Variants in ZNF292 observed in about 807,000 individuals in gnomAD.
The protein encoded by ZNF292 is zinc finger protein 292.
In ZNF292, 26 loss-of-function variants were observed where a neutral mutation model predicts 217.9. That is an observed-to-expected ratio of 0.12 (90% CI 0.09 to 0.17). ZNF292 has a LOEUF of 0.17. ZNF292 is among the 10% of genes least tolerant of loss of function. The pLI, the probability that ZNF292 is intolerant of heterozygous loss-of-function variation, is 1.00. For missense variants in ZNF292, 2,904 were observed against 3,175.2 expected (o/e 0.91, Z 2.05); for synonymous variants, 1,257 against 1,124.1 (o/e 1.12, Z -2.37).
At chr6:87,212,079 C>G (rs1772512392) in intron 1 of ZNF292, among the ~76,000 whole-genome samples, 1 of 152,164 alleles carries the variant, frequency 6.6e-6, no homozygotes, top group Non-Finnish European at 1.5e-5. Context: ...CAACCCCCTC[C>G]TCAGGGTCAG....
At chr6:87,243,900 C>G (rs888581322) in intron 6 of ZNF292, among the ~76,000 whole-genome samples, 1 of 152,082 alleles carries the variant, frequency 6.6e-6, no homozygotes, top group Non-Finnish European at 1.5e-5. Context: ...CTAATGCCAC[C>G]ATAACATTTT....
At chr6:87,215,243 G>T (rs1287650548) in intron 1 of ZNF292, 1 of 151,826 alleles carries the variant, frequency 6.6e-6, no homozygotes, top group African/African-American at 2.4e-5. Flanking sequence ...TAATTCTGAT[G>T]AGGTAAATTT....
Position 87,261,560 on chromosome 6 carries a change from C to T in ZNF292, c.7931C>T (p.Pro2644Leu). 1 of 1,610,228 alleles carries T rather than the reference C, an allele frequency of 6.2e-7. No individual in the cohort carries two copies. The highest frequency in any genetic ancestry group is 8.5e-7 in the Non-Finnish European group (1 of 1,178,050). Residue 2644 changes from proline to leucine, a missense_variant, in exon 8 of 8, where the codon CCT (proline) becomes CTT (leucine). Pro to Leu is a moderately conservative substitution (Grantham distance 98, BLOSUM62 -3). Coordinates refer to ENST00000369577, the MANE Select transcript of ZNF292 (RefSeq NM_015021.3). ...GTGACTAGTGGAAATCATGTATGTCCTTGTAAAGAAAGCGAAACGTTTGTA... is the reference window on the plus strand; with the variant it reads ...GTGACTAGTGGAAATCATGTATGTCTTTGTAAAGAAAGCGAAACGTTTGTA... ...TAVTSGNHVC[P>L]CKESETFVQF...
Position 87,246,769 on chromosome 6 carries a change from T to C in ZNF292, c.1020+1125T>C, listed in dbSNP as rs115346224. On this transcript the variant is annotated intron_variant, in intron 7 of 7. Transcript: ENST00000369577. The stretch of plus-strand genomic sequence containing the variant: ...TGTAGTCCCTGCTGAGGTGGGAGGA[T>C]GGCTTGAACCTCAGAGGCAGCGATT... Among the ~76,000 whole-genome samples the C allele has an allele frequency of 4.4e-3, 664 of 152,234 alleles. 2 individuals carry two copies. Among genetic ancestry groups the C allele is most frequent in the African/African-American group, 0.015 (630 of 41,534 alleles).
chr6:87,169,520 GTC>G (rs1366832330), intron 1 of ZNF292, among the ~76,000 whole-genome samples: 1 of 152,126 alleles, frequency 6.6e-6, no homozygotes, highest in East Asian at 1.9e-4. Flanking sequence ...TTTAAATTAA[GTC>G]TAGCACTAAT....
intron 1 of ZNF292, among the ~76,000 whole-genome samples, chr6:87,172,136 T>C (rs900534617): frequency 6.6e-6 from 1 of 152,226 alleles, no homozygotes; most frequent in African/African-American, 2.4e-5. Flanking sequence ...TATGATACCC[T>C]ATGAGGGAAG....
intron 5 of ZNF292, among the ~76,000 whole-genome samples, chr6:87,242,079 A>G (rs1205929416): frequency 6.6e-6 from 1 of 152,246 alleles, no homozygotes; most frequent in Non-Finnish European, 1.5e-5. Context: ...TTAATAATAT[A>G]TATAAAATGT....
intron 4 of ZNF292, among the ~76,000 whole-genome samples, chr6:87,219,110 T>G (rs562030168): frequency 6.6e-6 from 1 of 152,334 alleles, no homozygotes; most frequent in African/African-American, 2.4e-5. Context: ...TAGAACTCTT[T>G]AAGTCTTTTG....
intron 4 of ZNF292, among the ~76,000 whole-genome samples, chr6:87,232,465 T>C (rs984063703): frequency 6.6e-6 from 1 of 152,146 alleles, no homozygotes; most frequent in African/African-American, 2.4e-5. Flanking sequence ...GGTTTCAGGC[T>C]AGCCATTGTC....
Position 87,204,554 on chromosome 6 carries a change from A to ATTTTTTTTTTT in ZNF292, c.169-11333_169-11323dup, listed in dbSNP as rs68087857. On this transcript the variant is annotated intron_variant, in intron 1 of 7. Transcript: ENST00000369577. Reference sequence around the variant, plus strand: ...TAGGATTTGGTTGGTAACATTTAGGATTTTTTTTTTTTTTTTTTTTTTTTT... The same window carrying ATTTTTTTTTTT: ...TAGGATTTGGTTGGTAACATTTAGGATTTTTTTTTTTTTTTTTTTTTTTTTTTTTTTTTTTT... Among the ~76,000 whole-genome samples, 123 of 63,640 alleles carry ATTTTTTTTTTT rather than the reference A, an allele frequency of 1.9e-3. 31 individuals are homozygous for ATTTTTTTTTTT. Among genetic ancestry groups the ATTTTTTTTTTT allele is most frequent in the African/African-American group, 7.6e-3 (109 of 14,380 alleles). 41.8% of individuals were successfully genotyped at this position (63,640 alleles called of 152,430 possible).
At chr6:87,212,699 A>G (rs1234632329) in intron 1 of ZNF292, among the ~76,000 whole-genome samples, 1 of 152,100 alleles carries the variant, frequency 6.6e-6, no homozygotes, top group Non-Finnish European at 1.5e-5. Flanking sequence ...TGAATTCCAA[A>G]TTTTCTTGTA....
At position 87,255,658 on chromosome 6, in the gene ZNF292, C is replaced by T; in HGVS notation, c.2029C>T (p.Pro677Ser). 1.2e-6 allele frequency: 2 copies of T among 1,613,132 alleles called. No individual in the cohort carries two copies. Among genetic ancestry groups the T allele is most frequent in the Admixed American group, 3.3e-5 (2 of 59,838 alleles). Residue 677 changes from proline (P) to serine (S), a missense_variant, in exon 8 of 8, where the codon CCT becomes TCT. By Grantham distance (74) the Pro-to-Ser change is moderately conservative. This residue lies in a region of ZNF292 where 216 missense variants were observed against 308.3 expected (regional missense o/e 0.70). Coordinates refer to ENST00000369577, the MANE Select transcript of ZNF292 (RefSeq NM_015021.3). ...PEVIPVQKPV[P>S]VNEFNCPVTF... Reference sequence around the variant, plus strand: ...AGTGATTCCAGTCCAGAAACCAGTACCTGTTAATGAATTTAATTGCCCTGT... The same window carrying T: ...AGTGATTCCAGTCCAGAAACCAGTATCTGTTAATGAATTTAATTGCCCTGT...
Position 87,255,806 on chromosome 6 carries a change from A to T in ZNF292, c.2177A>T (p.Tyr726Phe). 1 of 1,613,848 alleles carries T rather than the reference A, an allele frequency of 6.2e-7. No individual in the cohort carries two copies. Among genetic ancestry groups the T allele is most frequent in the East Asian group, 2.2e-5 (1 of 44,884 alleles). The change falls in exon 8 of 8, where the codon TAC (tyrosine) becomes TTC (phenylalanine). Residue 726 changes from tyrosine to phenylalanine, a missense_variant. Physicochemically the swap from Tyr to Phe is conservative, Grantham distance 22. Coordinates refer to ENST00000369577, the MANE Select transcript of ZNF292 (RefSeq NM_015021.3). ...EMQSKKVICQ[Y>F]CRRHFVSVTH... Reference sequence around the variant, plus strand: ...CAGAGCAAAAAAGTTATTTGCCAGTACTGTAGGCGGCATTTTGTGAGTGTT... The same window carrying T: ...CAGAGCAAAAAAGTTATTTGCCAGTTCTGTAGGCGGCATTTTGTGAGTGTT...
At chr6:87,193,573 T>C (rs1771877473) in intron 1 of ZNF292, among the ~76,000 whole-genome samples, 1 of 150,568 alleles carries the variant, frequency 6.6e-6, no homozygotes. Context: ...CGCAACACAG[T>C]TTATTCAGTG....
chr6:87,172,697 G>C (rs73501658), intron 1 of ZNF292, among the ~76,000 whole-genome samples: 12,401 of 152,042 alleles, frequency 0.082, 857 homozygotes, highest in African/African-American at 0.19. Flanking sequence ...CTTGAGCCCA[G>C]GTGTTTGAGA....
At chr6:87,193,221 G>A (rs1234490927) in intron 1 of ZNF292, among the ~76,000 whole-genome samples, 1 of 152,100 alleles carries the variant, frequency 6.6e-6, no homozygotes, top group Non-Finnish European at 1.5e-5. Context: ...CCGACATTAT[G>A]CCACAAGGGG....
In ZNF292 at chr6:87,256,683, A is replaced by C; in HGVS notation, c.3054A>C (p.Pro1018=). 6.2e-7 allele frequency: 1 copy of C among 1,613,442 alleles called. No homozygotes were observed. Among genetic ancestry groups the C allele is most frequent in the East Asian group, 2.2e-5 (1 of 44,888 alleles). Residue 1018 remains proline, a synonymous_variant, in exon 8 of 8, where the codon CCA becomes CCC. Coordinates refer to ENST00000369577, the MANE Select transcript of ZNF292 (RefSeq NM_015021.3). The stretch of plus-strand genomic sequence containing the variant: ...CTCTCAAAATAGGTGACCTTACCCC[A>C]CAAAACTTAGAAAGACAAGTGAACA... ...SETLKIGDLT[P]QNLERQVNNL...
rs370977114 is a variant in ZNF292 at position 87,257,905 on chromosome 6, A to G, written c.4276A>G (p.Ile1426Val). 7 of 1,613,800 alleles carry G rather than the reference A, an allele frequency of 4.3e-6. No homozygotes were observed. Among genetic ancestry groups the G allele is most frequent in the East Asian group, 2.2e-5 (1 of 44,894 alleles). ...NGQPSLLASM[I>V]LSTNAVNLQQ... is the part of the protein sequence containing the mutation. ...ACAGCCTTCTCTTCTTGCCAGCATG[A>G]TTCTCTCCACAAATGCAGTAAATTT... The change falls in exon 8 of 8, where the codon ATT (isoleucine) becomes GTT (valine). Residue 1426 changes from isoleucine (I) to valine (V), a missense_variant. Coordinates refer to ENST00000369577, the MANE Select transcript of ZNF292 (RefSeq NM_015021.3).
intron 1 of ZNF292, among the ~76,000 whole-genome samples, chr6:87,207,566 A>G (rs1015645839): frequency 2.6e-5 from 4 of 152,242 alleles, no homozygotes; most frequent in African/African-American, 7.2e-5. Flanking sequence ...TCTTTATTTC[A>G]TGTGACTGTC....
Sources: gnomAD v4.1 joint callset for allele counts (sites outside exome capture counted in the v4.1 genomes callset) on GRCh38, gnomAD v4.1.1 for gene constraint, gnomAD v4.1.1 regional missense constraint, MANE v1.5 for transcripts, NCBI Gene and HGNC (gene_info 2026-07-23, HGNC 2026-07-21) for gene names.